GNB4: variants seen among roughly 807,000 people sequenced by gnomAD.
GNB4 encodes guanine nucleotide-binding protein subunit beta-4.
A neutral mutation model predicts 45.2 loss-of-function variants in GNB4; 28 were observed. The observed-to-expected ratio is 0.62, with a 90% CI of 0.46 to 0.85. The LOEUF (loss-of-function observed/expected upper bound fraction) is 0.85. Among genes scored for constraint, GNB4 ranks in the 40% least tolerant of loss-of-function variants. The pLI is 0.00. For missense variants in GNB4, 321 were observed against 425.4 expected, an observed-to-expected ratio of 0.75 and a Z score of 2.16; for synonymous variants, 132 against 143.7, an observed-to-expected ratio of 0.92 and a Z score of 0.58.
the GNB4 span, among the ~76,000 whole-genome samples, chr3:179,523,692 A>G: frequency 6.6e-6 from 1 of 152,066 alleles, no homozygotes; most frequent in Non-Finnish European, 1.5e-5. Flanking sequence ...TGAGCAGGGT[A>G]AGGGTGATTA....
chr3:179,519,373 A>C, the GNB4 span, among the ~76,000 whole-genome samples: 17 of 152,118 alleles, frequency 1.1e-4, no homozygotes, highest in Admixed American at 1.0e-3. Flanking sequence ...TCTAGACCAT[A>C]ACAGACACCA....
In GNB4 at chr3:179,396,664, G is replaced by C. The variant is rs986430691; in HGVS notation, c.*4549C>G. The C allele has an allele frequency of 3.3e-5, 5 of 152,092 alleles. 1 individual carries two copies. The highest frequency in any genetic ancestry group is 3.3e-4 in the Admixed American group (5 of 15,270). 9.4% of individuals were successfully genotyped at this position (152,092 alleles called of 1,614,324 possible). On this transcript the variant is annotated 3_prime_UTR_variant, in exon 10 of 10. Coordinates refer to ENST00000232564, the MANE Select transcript of GNB4 (RefSeq NM_021629.4). ...ACTGTATTTTACAAAATCAGCAACT[G>C]GATTTAAGAAAGAAGACATAGGAGA...
chr3:179,497,121 T>C, the GNB4 span, among the ~76,000 whole-genome samples: 1 of 152,088 alleles, frequency 6.6e-6, no homozygotes, highest in Non-Finnish European at 1.5e-5. Flanking sequence ...AAGGCTACAG[T>C]AATCAAAACA....
intron 9 of GNB4, 53 bp from the exon 10 acceptor site, chr3:179,401,372 C>A: frequency 9.0e-7 from 1 of 1,116,772 alleles, no homozygotes; most frequent in Non-Finnish European, 1.3e-6. Context: ...TAGAATTAAA[C>A]AAGTATATGC....
At chr3:179,502,679 C>G in the GNB4 span, among the ~76,000 whole-genome samples, 1 of 152,024 alleles carries the variant, frequency 6.6e-6, no homozygotes, top group East Asian at 1.9e-4. Context: ...GTCTATCTTT[C>G]TGGTGGTCTT....
At chr3:179,494,540 AAAAG>A in the GNB4 span, among the ~76,000 whole-genome samples, 5 of 151,524 alleles carry the variant, frequency 3.3e-5, no homozygotes, top group African/African-American at 7.3e-5. Context: ...ACAAATGAAC[AAAAG>A]AAAGAGAGAG....
the GNB4 span, among the ~76,000 whole-genome samples, chr3:179,467,279 CGGGATT>C: frequency 6.6e-6 from 1 of 152,188 alleles, no homozygotes; most frequent in South Asian, 2.1e-4. Context: ...TCCCAAGTAG[CGGGATT>C]ACAGGTGTGA....
chr3:179,507,862 G>T, the GNB4 span, among the ~76,000 whole-genome samples: 1 of 152,258 alleles, frequency 6.6e-6, no homozygotes, highest in East Asian at 1.9e-4. Context: ...ATCATGTCTT[G>T]TTCATCATAT....
At chr3:179,514,422 G>A in the GNB4 span, among the ~76,000 whole-genome samples, 1 of 152,200 alleles carries the variant, frequency 6.6e-6, no homozygotes, top group Non-Finnish European at 1.5e-5. Context: ...GACTTAGGTT[G>A]CACCTTCTCT....
chr3:179,467,695 G>A, the GNB4 span, among the ~76,000 whole-genome samples: 2 of 152,114 alleles, frequency 1.3e-5, no homozygotes, highest in Non-Finnish European at 2.9e-5. Flanking sequence ...CACATAGTAG[G>A]CATTAAATAA....
At chr3:179,455,196 A>G (rs1715960405), upstream of GNB4, among the ~76,000 whole-genome samples, 1 of 152,308 alleles carries the variant, frequency 6.6e-6, no homozygotes, top group African/African-American at 2.4e-5. Context: ...GAGAGGGTCA[A>G]TGATATCTGT....
chr3:179,517,048 G>A, the GNB4 span, among the ~76,000 whole-genome samples: 2 of 152,140 alleles, frequency 1.3e-5, no homozygotes, highest in Admixed American at 6.6e-5. Flanking sequence ...ATAACAGCAT[G>A]GTGGTGCAGG....
intron 1 of GNB4, among the ~76,000 whole-genome samples, chr3:179,434,529 T>C (rs938266178): frequency 2.0e-5 from 3 of 152,014 alleles, no homozygotes; most frequent in Admixed American, 6.6e-5. Flanking sequence ...GAGACCAACC[T>C]GGCCAATGTG....
intron 1 of GNB4, among the ~76,000 whole-genome samples, chr3:179,431,627 A>C (rs1329309883): frequency 1.3e-5 from 2 of 151,720 alleles, no homozygotes; most frequent in African/African-American, 2.4e-5. Context: ...TTCTTATGGT[A>C]CTGTTTAACT....
chr3:179,508,013 A>T, the GNB4 span, among the ~76,000 whole-genome samples: 2 of 152,192 alleles, frequency 1.3e-5, no homozygotes, highest in Admixed American at 1.3e-4. Context: ...AGGTTGGGAG[A>T]GTTGAAGCAC....
Position 179,419,489 on chromosome 3 carries a change from T to C in GNB4, c.113A>G (p.Asp38Gly), listed in dbSNP as rs187082127. 15 of 1,602,700 alleles carry C rather than the reference T, an allele frequency of 9.4e-6. No homozygotes were observed. The highest frequency in any genetic ancestry group is 1.3e-5 in the African/African-American group (1 of 74,844). The change falls in exon 4 of 10, where the codon GAC becomes GGC. Residue 38 changes from aspartate to glycine, a missense_variant. By Grantham distance (94) the Asp-to-Gly change is moderately conservative. Coordinates refer to ENST00000232564, the MANE Select transcript of GNB4 (RefSeq NM_021629.4). ...ATLVQITSNMDSVGRIQMRTR... is the reference protein window; with the variant it reads ...ATLVQITSNMGSVGRIQMRTR... The stretch of plus-strand genomic sequence containing the variant: ...TCGCATTTGTATTCGACCCACAGAG[T>C]CCATATTTGATGTAATCTTTTGAAA...
At chr3:179,513,708 T>C in the GNB4 span, among the ~76,000 whole-genome samples, 2 of 152,332 alleles carry the variant, frequency 1.3e-5, no homozygotes, top group East Asian at 3.9e-4. Flanking sequence ...ATGTTCTCTC[T>C]CCCACCTACC....
At chr3:179,492,993 A>G in the GNB4 span, among the ~76,000 whole-genome samples, 1 of 152,098 alleles carries the variant, frequency 6.6e-6, no homozygotes, top group African/African-American at 2.4e-5. Context: ...TTTTGGGGAG[A>G]CTATGCCACT....
At chr3:179,526,044 G>T in the GNB4 span, among the ~76,000 whole-genome samples, 18 of 152,348 alleles carry the variant, frequency 1.2e-4, no homozygotes, top group East Asian at 5.8e-4. Context: ...CAGGCAGGCT[G>T]AGTCCGAAAA....
Sources: gnomAD v4.1 joint callset for allele counts (sites outside exome capture counted in the v4.1 genomes callset) on GRCh38, gnomAD v4.1.1 for gene constraint, MANE v1.5 for transcripts, NCBI Gene and HGNC (gene_info 2026-07-23, HGNC 2026-07-21) for gene names.